KATNIP: variants seen among roughly 807,000 people sequenced by gnomAD.
KATNIP encodes katanin-interacting protein.
In KATNIP, 126 loss-of-function variants were observed where a neutral mutation model predicts 174.0. The ratio of observed to expected loss-of-function variants is 0.72; its 90% CI spans 0.63 to 0.84. The LOEUF (loss-of-function observed/expected upper bound fraction) is 0.84. Among genes scored for constraint, KATNIP ranks in the 40% least tolerant of loss-of-function variants. KATNIP has a pLI of 0.00. For synonymous variants in KATNIP, 810 were observed against 835.7 expected (o/e 0.97, Z 0.53); for missense variants, 1,958 against 2,109.7 (o/e 0.93, Z 1.41).
rs1597352981 is a variant in KATNIP at position 27,742,822 on chromosome 16, TTTTTTTTCTAGTTTTCTTTTC to T, written c.2623+1912_2623+1932del. On this transcript the variant is annotated intron_variant, in intron 15 of 27. Coordinates refer to ENST00000261588, the MANE Select transcript of KATNIP (RefSeq NM_015202.5). ...ATCTATGCAAAGCCAAGGCATGCAT[TTTTTTTTCTAGTTTTCTTTTC>T]TTTTTTTCTTTAACTTTTATTTTGG... is the stretch of plus-strand genomic sequence containing the variant. Among the ~76,000 whole-genome samples, 3 of 151,242 alleles carry T rather than the reference TTTTTTTTCTAGTTTTCTTTTC, an allele frequency of 2.0e-5. No homozygotes were observed. In the East Asian group the frequency reaches 5.8e-4, roughly 29 times the overall value.
intron 5 of KATNIP, among the ~76,000 whole-genome samples, chr16:27,636,550 C>T (rs2076640849): frequency 1.3e-5 from 2 of 151,666 alleles, no homozygotes; most frequent in South Asian, 4.2e-4. Flanking sequence ...GAGCTGTGTG[C>T]CCTGGAGCTG....
chr16:27,666,259 T>C (rs2077678910), intron 6 of KATNIP, among the ~76,000 whole-genome samples: 2 of 152,332 alleles, frequency 1.3e-5, no homozygotes, highest in South Asian at 4.1e-4. Flanking sequence ...ATAAATACAC[T>C]TAGCTTTGAA....
chr16:27,706,713 G>A (rs1484003067), intron 12 of KATNIP, among the ~76,000 whole-genome samples: 1 of 152,210 alleles, frequency 6.6e-6, no homozygotes, highest in Non-Finnish European at 1.5e-5. Flanking sequence ...CTGGGTGGGA[G>A]TTCTAGCAGC....
chr16:27,683,603 A>G (rs2078423309), intron 8 of KATNIP, among the ~76,000 whole-genome samples: 1 of 152,206 alleles, frequency 6.6e-6, no homozygotes, highest in Non-Finnish European at 1.5e-5. Flanking sequence ...CTGTAGGGGA[A>G]AAGAGCCAAA....
chr16:27,593,541 A>T (rs920794246), intron 2 of KATNIP, among the ~76,000 whole-genome samples: 27 of 151,388 alleles, frequency 1.8e-4, no homozygotes, highest in African/African-American at 6.3e-4. Context: ...TCCGTCCTAA[A>T]CTTTTTTTTA....
At chr16:27,597,712 T>A (rs956502761) in intron 2 of KATNIP, among the ~76,000 whole-genome samples, 1 of 152,124 alleles carries the variant, frequency 6.6e-6, no homozygotes, top group African/African-American at 2.4e-5. Flanking sequence ...TCTGAGTAGA[T>A]GAAGGGTCTG....
chr16:27,751,038 T>C (rs2143811359), intron 16 of KATNIP, among the ~76,000 whole-genome samples: 1 of 152,168 alleles, frequency 6.6e-6, no homozygotes, highest in African/African-American at 2.4e-5. Flanking sequence ...ACAGACCCGG[T>C]CCACTCATCC....
chr16:27,777,054 T>G lies in KATNIP; in HGVS notation c.4551+25T>G, dbSNP rs748502879. The G allele has an allele frequency of 6.9e-7, 1 of 1,448,106 alleles. No homozygotes were observed. The highest frequency in any genetic ancestry group is 1.7e-5 in the Admixed American group (1 of 57,576). The allele number at this position is 1,448,106 out of a possible 1,614,324, so 89.7% of individuals were successfully genotyped here. ...CGTAAGTACTTATTAGCTGAGTTTT[T>G]TGAGATAATTATGCTCGTTGGTAAT... On this transcript the variant is annotated intron_variant, in intron 25 of 27. Transcript: ENST00000261588. The surrounding 1 kb of genome is among the most constrained non-coding windows in gnomAD (Gnocchi z 4.4).
At chr16:27,640,661 A>G (rs1451682756) in intron 5 of KATNIP, among the ~76,000 whole-genome samples, 1 of 148,018 alleles carries the variant, frequency 6.8e-6, no homozygotes, top group Non-Finnish European at 1.5e-5. Context: ...CCTTGAGGGC[A>G]GGGCATTGGT....
intron 1 of KATNIP, among the ~76,000 whole-genome samples, chr16:27,557,071 G>A (rs2089657779): frequency 6.6e-6 from 1 of 151,852 alleles, no homozygotes; most frequent in Non-Finnish European, 1.5e-5. Context: ...GCCAAAATGA[G>A]TAAGATTGAA....
At chr16:27,677,704 C>A (rs1378774630) in intron 6 of KATNIP, 25 bp from the exon 7 acceptor site, 1 of 1,584,492 alleles carries the variant, frequency 6.3e-7, no homozygotes, top group East Asian at 2.3e-5. Flanking sequence ...ATTTATCTCT[C>A]ATCTCTCTTC....
At chr16:27,737,677 G>A (rs2080948545) in intron 14 of KATNIP, among the ~76,000 whole-genome samples, 1 of 152,112 alleles carries the variant, frequency 6.6e-6, no homozygotes, top group Non-Finnish European at 1.5e-5. Flanking sequence ...AAGCCAGGTG[G>A]GTGCAGAGCC....
chr16:27,773,753 A>G (rs1318943235), intron 23 of KATNIP, among the ~76,000 whole-genome samples: 3 of 152,162 alleles, frequency 2.0e-5, no homozygotes, highest in South Asian at 2.1e-4. Flanking sequence ...TTGATTATGC[A>G]TAGTGACAAT....
chr16:27,611,537 C>G (rs1047509111), intron 2 of KATNIP, among the ~76,000 whole-genome samples: 2 of 152,198 alleles, frequency 1.3e-5, no homozygotes, highest in Non-Finnish European at 2.9e-5. Context: ...GCCCAGGCCT[C>G]TAGGCACTCA....
intron 1 of KATNIP, among the ~76,000 whole-genome samples, chr16:27,558,713 A>G (rs2089729669): frequency 1.3e-5 from 2 of 152,286 alleles, no homozygotes; most frequent in East Asian, 3.9e-4. Flanking sequence ...TGTAAAAGAG[A>G]CTTATGTGGC....
intron 8 of KATNIP, among the ~76,000 whole-genome samples, chr16:27,691,837 A>G (rs974673302): frequency 1.3e-5 from 2 of 152,228 alleles, no homozygotes; most frequent in African/African-American, 2.4e-5. Flanking sequence ...GTCTGTGCAG[A>G]TAAAACTGGT....
At chr16:27,568,531 C>T (rs1359313079) in intron 1 of KATNIP, among the ~76,000 whole-genome samples, 1 of 151,970 alleles carries the variant, frequency 6.6e-6, no homozygotes, top group African/African-American at 2.4e-5. Context: ...GTGGTGCAAT[C>T]TCGGCTCTGT....
intron 3 of KATNIP, among the ~76,000 whole-genome samples, chr16:27,626,367 A>T (rs1011104783): frequency 1.3e-5 from 2 of 152,222 alleles, no homozygotes; most frequent in African/African-American, 4.8e-5. Flanking sequence ...TCATATGCTT[A>T]GGAACAATTT....
At chr16:27,773,233 G>A (rs1367864240) in intron 23 of KATNIP, 24 bp downstream of exon 23, 1 of 1,508,554 alleles carries the variant, frequency 6.6e-7, no homozygotes, top group East Asian at 2.3e-5. Context: ...GACAGGAGTG[G>A]GCTCCACCCA....
Sources: allele counts gnomAD v4.1 joint callset (sites outside exome capture counted in the v4.1 genomes callset), GRCh38; gene constraint gnomAD v4.1.1; non-coding constraint Gnocchi (gnomAD v3.1); transcripts MANE v1.5; gene names NCBI Gene and HGNC (gene_info 2026-07-23, HGNC 2026-07-21).